The following TMEM182 variants were observed in gnomAD, a reference collection of about 807,000 sequenced individuals.
TMEM182 encodes the protein transmembrane protein 182.
In TMEM182, 20 loss-of-function variants were observed where a neutral mutation model predicts 26.8. The ratio of observed to expected loss-of-function variants is 0.75; its 90% CI spans 0.53 to 1.09. The LOEUF (loss-of-function observed/expected upper bound fraction) is 1.09, where lower values mean the gene tolerates loss of function less well. Ranked by LOEUF, TMEM182 falls within the 50% of genes least tolerant of loss-of-function variation. The probability of loss-of-function intolerance (pLI) is 0.00; values close to 1 mark genes in which losing one functional copy is unlikely to be tolerated. For missense variants in TMEM182, 277 were observed against 275.5 expected, an observed-to-expected ratio of 1.01 and a Z score of -0.04; for synonymous variants, 109 against 102.2, an observed-to-expected ratio of 1.07 and a Z score of -0.40.
Position 102,738,655 on chromosome 2 carries a change from C to T in TMEM182, c.-83+1642C>T, listed in dbSNP as rs571620434. Among the ~76,000 whole-genome samples, 22 of 152,054 alleles carry T rather than the reference C, an allele frequency of 1.4e-4. 1 individual carries two copies. The South Asian group carries it at 4.6e-3, about 32-fold the overall frequency. ...ATATAATCAATGTAAACTTTAGAAA[C>T]CTGGGGGAGAGATTTCTAAGGGTGT... On this transcript the variant is annotated intron_variant, in intron 1 of 5. Transcript: ENST00000409173.
At chr2:102,836,603 A>G (rs1366446561) in intron 3 of TMEM182, among the ~76,000 whole-genome samples, 1 of 152,204 alleles carries the variant, frequency 6.6e-6, no homozygotes, top group Non-Finnish European at 1.5e-5. Context: ...GAGGCTGCAT[A>G]ACTTGCCCAA....
chr2:102,817,816 A>G, downstream of TMEM182: 1 of 664,636 alleles, frequency 1.5e-6, no homozygotes, highest in Non-Finnish European at 1.9e-6. Flanking sequence ...ATTGAATGGT[A>G]TAAATCAATA....
chr2:102,788,424 G>A (rs1681489629), intron 3 of TMEM182, among the ~76,000 whole-genome samples: 1 of 152,148 alleles, frequency 6.6e-6, no homozygotes, highest in Admixed American at 6.5e-5. Context: ...CTGGTCCCCT[G>A]GGGTGGACAC....
intron 3 of TMEM182, among the ~76,000 whole-genome samples, chr2:102,793,591 A>T (rs1185385283): frequency 1.3e-5 from 2 of 152,236 alleles, no homozygotes; most frequent in Non-Finnish European, 2.9e-5. Context: ...AAAATGGCAT[A>T]GTATTTGCAT....
At chr2:102,772,203 A>G (rs1006265563) in intron 3 of TMEM182, among the ~76,000 whole-genome samples, 2 of 152,016 alleles carry the variant, frequency 1.3e-5, no homozygotes, top group African/African-American at 2.4e-5. Flanking sequence ...GAAACTTTGG[A>G]CCTTTTCTTA....
Position 102,815,756 on chromosome 2 carries a change from C to A in TMEM182, c.*788C>A. The A allele has an allele frequency of 1.1e-6, 1 of 942,572 alleles. No homozygotes were observed. The highest frequency in any genetic ancestry group is 4.9e-5 in the South Asian group (1 of 20,346). 58.4% of individuals were successfully genotyped at this position (942,572 alleles called of 1,614,324 possible). On this transcript the variant is annotated 3_prime_UTR_variant, in exon 5 of 5. Transcript: ENST00000412401. ...AATATGTAAAAACCAAGCATTTCCGCTTGGTCCATAATTCTATTTGATATT... is the reference window on the plus strand; with the variant it reads ...AATATGTAAAAACCAAGCATTTCCGATTGGTCCATAATTCTATTTGATATT...
In TMEM182 at chr2:102,744,784, C is replaced by G. The variant is rs1267209740; in HGVS notation, c.-83+7771C>G. Among the ~76,000 whole-genome samples, 4 of 152,174 alleles carry G rather than the reference C, an allele frequency of 2.6e-5. No individual in the cohort carries two copies. In the East Asian group the frequency reaches 7.7e-4, roughly 29 times the overall value. On this transcript the variant is annotated intron_variant, in intron 1 of 5. Coordinates refer to the TMEM182 transcript ENST00000409173. ...ATCTGCTGTAATTGTTGCCCTTATT[C>G]CGAAAGCAATTTGTCTTTTTTGCCT...
At chr2:102,798,477 AAGCATACAC>A (rs1396436457) in intron 4 of TMEM182, among the ~76,000 whole-genome samples, 1 of 152,206 alleles carries the variant, frequency 6.6e-6, no homozygotes, top group Non-Finnish European at 1.5e-5. Flanking sequence ...TATTTATGAT[AAGCATACAC>A]TCATGATTTA....
chr2:102,776,741 A>G (rs76182926), intron 3 of TMEM182, among the ~76,000 whole-genome samples: 2,326 of 152,308 alleles, frequency 0.015, 67 homozygotes, highest in African/African-American at 0.053. Context: ...GGTCTTCCAA[A>G]GAGACCATAC....
At chr2:102,743,624 A>T (rs114858104) in intron 1 of TMEM182, among the ~76,000 whole-genome samples, 1 of 152,346 alleles carries the variant, frequency 6.6e-6, no homozygotes, top group African/African-American at 2.4e-5. Flanking sequence ...CACTATATGA[A>T]TAATCACTTT....
rs1682776321 is a variant in TMEM182 at position 102,816,951 on chromosome 2, A to G, written c.*1983A>G. ...CACTTTATAGTACACTTAAGTGGCTACCATATATTTTTTATATGACAATTG... is the reference window on the plus strand; with the variant it reads ...CACTTTATAGTACACTTAAGTGGCTGCCATATATTTTTTATATGACAATTG... On this transcript the variant is annotated 3_prime_UTR_variant, in exon 5 of 5. Coordinates refer to ENST00000412401, the MANE Select transcript of TMEM182 (RefSeq NM_144632.5). 1 of 985,612 alleles carries G rather than the reference A, an allele frequency of 1.0e-6. No individual in the cohort carries two copies. The highest frequency in any genetic ancestry group is 1.7e-5 in the African/African-American group (1 of 57,198). The allele number at this position is 985,612 out of a possible 1,614,324, so 61.1% of individuals were successfully genotyped here.
chr2:102,752,208 C>CAATCTCA (rs753410072), intron 1 of TMEM182, among the ~76,000 whole-genome samples: 122 of 152,160 alleles, frequency 8.0e-4, no homozygotes, highest in Non-Finnish European at 5.3e-4. Flanking sequence ...AATCCTGATG[C>CAATCTCA]TTATTGCAGT....
intron 1 of TMEM182, among the ~76,000 whole-genome samples, chr2:102,753,634 G>T (rs1443294571): frequency 6.6e-6 from 1 of 152,130 alleles, no homozygotes; most frequent in Non-Finnish European, 1.5e-5. Flanking sequence ...GCCTCCCAAA[G>T]TGCTTGGATT....
intron 2 of TMEM182, 24 bp downstream of exon 2, chr2:102,762,710 T>C: frequency 6.3e-7 from 1 of 1,582,508 alleles, no homozygotes; most frequent in Non-Finnish European, 8.7e-7. Context: ...AGCTTTATTT[T>C]CCCTCTTGTC....
intron 1 of TMEM182, among the ~76,000 whole-genome samples, chr2:102,739,505 GCC>G (rs930481822): frequency 1.1e-4 from 16 of 152,120 alleles, no homozygotes; most frequent in African/African-American, 3.6e-4. Flanking sequence ...GAATGGTTTA[GCC>G]CCATCCTCTT....
At chr2:102,764,269 A>G (rs1424435743) in intron 2 of TMEM182, 60 bp from the exon 3 acceptor site, 1 of 1,515,216 alleles carries the variant, frequency 6.6e-7, no homozygotes, top group Middle Eastern at 1.7e-4. Flanking sequence ...TGTTCCATTA[A>G]GGATGAGTCA....
At chr2:102,738,809 T>G (rs1246039196) in intron 1 of TMEM182, among the ~76,000 whole-genome samples, 1 of 152,276 alleles carries the variant, frequency 6.6e-6, no homozygotes, top group East Asian at 1.9e-4. Flanking sequence ...TTTAGTCAGT[T>G]GGTTGAAATT....
At position 102,775,799 on chromosome 2, in the gene TMEM182, A is replaced by T. The variant is rs548889114; in HGVS notation, c.331+11372A>T. On this transcript the variant is annotated intron_variant, in intron 3 of 4. Transcript: ENST00000412401. ...GAACTCCCATTCATAATTGCTTCAA[A>T]GAGAATAAAATACCTAGGAATCCAA... 5.9e-5 allele frequency among the ~76,000 whole-genome samples: 9 copies of T among 152,324 alleles called. No individual in the cohort carries two copies. The South Asian group carries it at 1.9e-3, about 32-fold the overall frequency.
At chr2:102,773,377 C>T (rs1680765020) in intron 3 of TMEM182, among the ~76,000 whole-genome samples, 1 of 151,792 alleles carries the variant, frequency 6.6e-6, no homozygotes, top group Non-Finnish European at 1.5e-5. Flanking sequence ...AATAAGAGCT[C>T]TGTAATGTGG....
Sources: gnomAD v4.1 joint callset for allele counts (sites outside exome capture counted in the v4.1 genomes callset) on GRCh38, gnomAD v4.1.1 for gene constraint, MANE v1.5 for transcripts, NCBI Gene and HGNC (gene_info 2026-07-23, HGNC 2026-07-21) for gene names.